The following CREM variants were observed in gnomAD, a reference collection of about 807,000 sequenced individuals.
CREM encodes cAMP responsive element modulator.
CREM carries 13 observed loss-of-function variants against 37.3 expected under a neutral mutation model. That is an observed-to-expected ratio of 0.35 (90% CI 0.23 to 0.55). CREM has a LOEUF of 0.55. Among genes scored for constraint, CREM ranks in the 20% least tolerant of loss-of-function variants. The pLI, the probability that CREM is intolerant of heterozygous loss-of-function variation, is 0.88. For synonymous variants in CREM, 124 were observed against 120.2 expected (o/e 1.03, Z -0.21); for missense variants, 296 against 362.3 (o/e 0.82, Z 1.49).
rs758564669 is a variant in CREM at position 35,179,174 on chromosome 10, C to T, written c.307C>T (p.Pro103Ser). The change falls in exon 5 of 8, where the codon CCC becomes TCC. Residue 103 changes from proline to serine, a missense_variant. Pro to Ser is a moderately conservative substitution (Grantham distance 74). Coordinates refer to ENST00000685392, the MANE Select transcript of CREM (RefSeq NM_183011.2). ...ACTGTCCTCTGATGTGCCTGGTGTT[C>T]CCAAGATTGAAGAAGAGAGATCAGA... The part of the protein sequence containing the change: ...NELSSDVPGV[P>S]KIEEERSEEE... The T allele has an allele frequency of 1.2e-6, 2 of 1,613,786 alleles. No individual in the cohort carries two copies. Among genetic ancestry groups the T allele is most frequent in the South Asian group, 2.2e-5 (2 of 91,026 alleles).
At chr10:35,171,069 G>T in intron 3 of CREM, 1 of 150,186 alleles carries the variant, frequency 6.7e-6, no homozygotes, top group African/African-American at 2.4e-5. Context: ...TGTAGTTACA[G>T]AATCTGTATA....
At chr10:35,183,530 CCTT>C (rs2094438881) in intron 5 of CREM, among the ~76,000 whole-genome samples, 1 of 152,132 alleles carries the variant, frequency 6.6e-6, no homozygotes. Flanking sequence ...ATTTAGTCTT[CCTT>C]CTGCTATAAT....
intron 7 of CREM, 135 bp from the exon 8 acceptor site, chr10:35,211,119 G>A (rs1418787292): frequency 3.8e-6 from 3 of 798,884 alleles, no homozygotes; most frequent in Admixed American, 6.5e-5. Flanking sequence ...GCCTGGTTAT[G>A]TTTGTTATGT....
chr10:35,167,777 T>G, intron 3 of CREM: 1 of 1,614,160 alleles, frequency 6.2e-7, no homozygotes, highest in Non-Finnish European at 8.5e-7. Flanking sequence ...AGAAGAGGAT[T>G]ATTCTTCAGG....
rs760042124 is a variant in CREM, at chr10:35,129,117, CACTT to C, written c.-55+1929_-55+1932del. On this transcript the variant is annotated intron_variant, in intron 1 of 7. Coordinates refer to ENST00000685392, the MANE Select transcript of CREM (RefSeq NM_183011.2). ...CGAATCTGTAAATAGATGAATATAA[CACTT>C]ACTTTCCCAGTGAATTGGTGATGGA... 1.2e-3 allele frequency among the ~76,000 whole-genome samples: 190 copies of C among 152,306 alleles called. 1 individual carries two copies. The highest frequency in any genetic ancestry group is 1.9e-3 in the Non-Finnish European group (131 of 68,034).
chr10:35,163,395 A>G (rs2093387567), intron 3 of CREM, among the ~76,000 whole-genome samples: 1 of 151,860 alleles, frequency 6.6e-6, no homozygotes, highest in South Asian at 2.1e-4. Flanking sequence ...CTTCATACAT[A>G]AAAAGAGGCC....
chr10:35,210,363 A>G, intron 7 of CREM: 1 of 152,080 alleles, frequency 6.6e-6, no homozygotes, highest in East Asian at 1.9e-4. Context: ...GGCTCTATTT[A>G]TTGTTTTGGT....
chr10:35,209,807 T>A (rs2095624114), intron 7 of CREM, among the ~76,000 whole-genome samples: 1 of 152,208 alleles, frequency 6.6e-6, no homozygotes. Context: ...TTGGATTTAT[T>A]CTTAACTTTT....
At chr10:35,140,567 A>G (rs995525096) in intron 2 of CREM, among the ~76,000 whole-genome samples, 11 of 152,218 alleles carry the variant, frequency 7.2e-5, no homozygotes, top group Non-Finnish European at 1.3e-4. Flanking sequence ...CTGGGAATGC[A>G]TGGAAATCTA....
chr10:35,191,384 A>G (rs1244657398), intron 6 of CREM, among the ~76,000 whole-genome samples: 2 of 152,198 alleles, frequency 1.3e-5, no homozygotes, highest in African/African-American at 4.8e-5. Flanking sequence ...TTATACAAAT[A>G]GTGATGTTTT....
rs554144552 is a variant in CREM, at chr10:35,170,698, A to C, written c.169-8191A>C. 7.9e-5 allele frequency among the ~76,000 whole-genome samples: 12 copies of C among 152,250 alleles called. No individual in the cohort carries two copies. The East Asian group carries it at 2.1e-3, about 27-fold the overall frequency. ...CTAGTGTATTTGCATAGAGGTGTTTATAGTATTCTCTGATGGTAGTTTGTA... is the reference window on the plus strand; with the variant it reads ...CTAGTGTATTTGCATAGAGGTGTTTCTAGTATTCTCTGATGGTAGTTTGTA... On this transcript the variant is annotated intron_variant, in intron 3 of 7. Coordinates refer to ENST00000685392, the MANE Select transcript of CREM (RefSeq NM_183011.2).
intron 3 of CREM, among the ~76,000 whole-genome samples, chr10:35,178,626 C>G (rs2094205960): frequency 1.3e-5 from 2 of 150,844 alleles, no homozygotes. Context: ...GACATCCCAA[C>G]CACTCTTTCC....
chr10:35,206,797 A>G (rs1285909500), intron 6 of CREM, 98 bp from the exon 7 acceptor site: 1 of 1,105,436 alleles, frequency 9.0e-7, no homozygotes, highest in East Asian at 2.4e-5. Context: ...ATCACCTCTT[A>G]TGAGATGTCA....
chr10:35,189,601 C>T (rs3780886), intron 6 of CREM, among the ~76,000 whole-genome samples: 45,485 of 151,862 alleles, frequency 0.3, 7,243 homozygotes, highest in South Asian at 0.35. Context: ...CTGCGACCTC[C>T]GCCTCCCAGG....
chr10:35,168,279 A>G (rs1240882016), intron 3 of CREM, among the ~76,000 whole-genome samples: 1 of 152,154 alleles, frequency 6.6e-6, no homozygotes, highest in Non-Finnish European at 1.5e-5. Context: ...CTGACTTTTT[A>G]ATGATCGCCA....
intron 2 of CREM, among the ~76,000 whole-genome samples, chr10:35,144,802 A>G (rs990652189): frequency 6.6e-6 from 1 of 151,136 alleles, no homozygotes; most frequent in Non-Finnish European, 1.5e-5. Context: ...TCCTTAAAGT[A>G]TACTGAACAT....
At chr10:35,144,718 T>C (rs1233209164) in intron 2 of CREM, among the ~76,000 whole-genome samples, 6 of 151,040 alleles carry the variant, frequency 4.0e-5, no homozygotes, top group Admixed American at 2.7e-4. Flanking sequence ...CTGAATAGTT[T>C]ATCTTTTTAA....
intron 6 of CREM, among the ~76,000 whole-genome samples, chr10:35,203,691 CAAAATA>C (rs1195881232): frequency 2.0e-5 from 3 of 150,626 alleles, no homozygotes; most frequent in Admixed American, 1.3e-4. Flanking sequence ...GACTCTGTCT[CAAAATA>C]AAAATAAAAA....
Position 35,192,352 on chromosome 10 carries a change from G to A in CREM, c.598+3964G>A, listed in dbSNP as rs1365662513. 5.3e-5 allele frequency among the ~76,000 whole-genome samples: 8 copies of A among 152,080 alleles called. No homozygotes were observed. The South Asian group carries it at 6.2e-4, about 12-fold the overall frequency. On this transcript the variant is annotated intron_variant, in intron 6 of 7. Coordinates refer to ENST00000685392, the MANE Select transcript of CREM (RefSeq NM_183011.2). Reference sequence around the variant, plus strand: ...CATTGCACTTGTTTTGTTTTGTTTCGTTTTGTTTTGTTTTGAGACAGAGTC... The same window carrying A: ...CATTGCACTTGTTTTGTTTTGTTTCATTTTGTTTTGTTTTGAGACAGAGTC...
Sources: allele counts gnomAD v4.1 joint callset (sites outside exome capture counted in the v4.1 genomes callset), GRCh38; gene constraint gnomAD v4.1.1; transcripts MANE v1.5; gene names NCBI Gene and HGNC (gene_info 2026-07-23, HGNC 2026-07-21).